The following ZNF385C variants were observed in gnomAD, a reference collection of about 807,000 sequenced individuals.
The protein encoded by ZNF385C is zinc finger protein 385C.
ZNF385C carries 28 observed loss-of-function variants against 35.4 expected under a neutral mutation model. That is an observed-to-expected ratio of 0.79 (90% confidence interval 0.59 to 1.08). ZNF385C has a LOEUF of 1.08. Ranked by LOEUF, ZNF385C falls within the 50% of genes least tolerant of loss-of-function variation. The probability of loss-of-function intolerance (pLI) is 0.00; values close to 1 mark genes in which losing one functional copy is unlikely to be tolerated. For missense variants in ZNF385C, 605 were observed against 595.6 expected (o/e 1.02, Z -0.16); for synonymous variants, 248 against 248.2 (o/e 1.00, Z 0.01).
chr17:42,084,799 T>A (rs1319720450), intron 1 of ZNF385C, among the ~76,000 whole-genome samples: 2 of 151,938 alleles, frequency 1.3e-5, no homozygotes, highest in Admixed American at 6.6e-5. Flanking sequence ...ATTTTTTTTT[T>A]AGAGATGGGG....
chr17:42,074,975 C>G (rs538429652), intron 1 of ZNF385C, among the ~76,000 whole-genome samples: 1 of 152,306 alleles, frequency 6.6e-6, no homozygotes, highest in East Asian at 1.9e-4. Flanking sequence ...ATGGCCCATT[C>G]CACTATGCTA....
chr17:42,049,518 C>T (rs552820327), intron 2 of ZNF385C, among the ~76,000 whole-genome samples: 1 of 152,352 alleles, frequency 6.6e-6, no homozygotes, highest in South Asian at 2.1e-4. Context: ...GCAGAGAGGG[C>T]AGTGGAGCCA....
At chr17:42,066,960 T>A (rs1380055636) in intron 1 of ZNF385C, among the ~76,000 whole-genome samples, 3 of 151,982 alleles carry the variant, frequency 2.0e-5, no homozygotes, top group Admixed American at 2.0e-4. Context: ...TCCCAGGTAC[T>A]CAGGAGGCTG....
At chr17:42,040,531 G>T (rs1238082099) in intron 2 of ZNF385C, 9 of 1,232,886 alleles carry the variant, frequency 7.3e-6, no homozygotes, top group Non-Finnish European at 8.1e-6. Flanking sequence ...CAGCAGGTGG[G>T]TGAAGGCCAC....
intron 6 of ZNF385C, 97 bp downstream of exon 6, chr17:42,028,686 T>G (rs1361475016): frequency 1.4e-6 from 2 of 1,428,484 alleles, no homozygotes; most frequent in Non-Finnish European, 9.4e-7. Flanking sequence ...ATCCAACCCT[T>G]GAGCGAAGCA....
chr17:42,027,327 G>A (rs1378400285), intron 8 of ZNF385C, among the ~76,000 whole-genome samples, 194 bp from the exon 9 acceptor site: 2 of 152,076 alleles, frequency 1.3e-5, no homozygotes, highest in Non-Finnish European at 2.9e-5. Context: ...CTGTCCAGAG[G>A]GAGGAAAGTC....
chr17:42,026,746 T>C lies in ZNF385C; in HGVS notation c.*151A>G. 1 of 777,892 alleles carries C rather than the reference T, an allele frequency of 1.3e-6. No individual in the cohort carries two copies. The highest frequency in any genetic ancestry group is 1.6e-5 in the South Asian group (1 of 63,216). 48.2% of individuals were successfully genotyped at this position (777,892 alleles called of 1,614,324 possible). On this transcript the variant is annotated 3_prime_UTR_variant, in exon 9 of 9. Transcript: ENST00000692273. ...GTGGGGACAGTCCTTGGAAGGCAGC[T>C]GCCCTTAAAACTAGCCCAGCTCTTT...
At chr17:42,082,117 C>T (rs945187600) in intron 1 of ZNF385C, among the ~76,000 whole-genome samples, 5 of 152,208 alleles carry the variant, frequency 3.3e-5, no homozygotes, top group Non-Finnish European at 5.9e-5. Context: ...CCTGAAGCTT[C>T]CCACCACCTC....
At chr17:42,032,542 T>A (rs879971794) in intron 4 of ZNF385C, among the ~76,000 whole-genome samples, 1 of 152,210 alleles carries the variant, frequency 6.6e-6, no homozygotes, top group Admixed American at 6.5e-5. Context: ...AATGCACAAA[T>A]GGAGAAAGCA....
intron 2 of ZNF385C, among the ~76,000 whole-genome samples, chr17:42,057,267 G>A (rs932561705): frequency 6.6e-6 from 1 of 152,124 alleles, no homozygotes; most frequent in African/African-American, 2.4e-5. Flanking sequence ...CATCATCCGT[G>A]CCTAGGATGG....
chr17:42,028,912 G>GCCC lies in ZNF385C; in HGVS notation c.835_837dup (p.Gly279dup). 6.4e-7 allele frequency: 1 copy of GCCC among 1,550,578 alleles called. No individual in the cohort carries two copies. On this transcript the variant is annotated inframe_insertion, in exon 6 of 9. Coordinates refer to ENST00000692273, the MANE Select transcript of ZNF385C (RefSeq NM_001392013.1). Reference sequence around the variant, plus strand: ...CCCACGGCAGCTGCCGCTGGCTCAGGCCCCGGTGCCTCTCTCCCAGGCTCT... The same window carrying GCCC: ...CCCACGGCAGCTGCCGCTGGCTCAGGCCCCCCCGGTGCCTCTCTCCCAGGCTCT...
chr17:42,037,684 GTGCCCACCCACAAGCTTGTGTGCA>G (rs2052891496), intron 3 of ZNF385C, 29 bp downstream of exon 3: 1 of 1,459,864 alleles, frequency 6.8e-7, no homozygotes, highest in South Asian at 1.4e-5. Flanking sequence ...CCCACCTTCT[GTGCCCACCCACAAGCTTGTGTGCA>G]TGCCCCCACC....
chr17:42,093,509 G>A (rs1047495037), intron 1 of ZNF385C, among the ~76,000 whole-genome samples: 17 of 152,016 alleles, frequency 1.1e-4, no homozygotes, highest in African/African-American at 3.4e-4. Flanking sequence ...CCGAAACCCC[G>A]GAGTTCTCAA....
At chr17:42,053,902 C>T (rs1387981458) in intron 2 of ZNF385C, among the ~76,000 whole-genome samples, 1 of 152,088 alleles carries the variant, frequency 6.6e-6, no homozygotes, top group Non-Finnish European at 1.5e-5. Context: ...GCAAATGAAA[C>T]CCAGCCAGAG....
chr17:42,066,954 A>G (rs1555658484), intron 1 of ZNF385C, among the ~76,000 whole-genome samples: 1 of 152,166 alleles, frequency 6.6e-6, no homozygotes, highest in Non-Finnish European at 1.5e-5. Context: ...CTGTAATCCC[A>G]GGTACTCAGG....
At chr17:42,036,591 A>G (rs571558765) in intron 3 of ZNF385C, among the ~76,000 whole-genome samples, 1 of 152,348 alleles carries the variant, frequency 6.6e-6, no homozygotes, top group South Asian at 2.1e-4. Flanking sequence ...AAAAGAAAAC[A>G]GAGCTTAGAG....
chr17:42,036,659 G>C (rs966244861), intron 3 of ZNF385C, among the ~76,000 whole-genome samples: 1 of 152,178 alleles, frequency 6.6e-6, no homozygotes, highest in East Asian at 1.9e-4. Flanking sequence ...AATTTTCACA[G>C]CACCCAGGGC....
At chr17:42,051,452 T>A (rs2053280693) in intron 2 of ZNF385C, among the ~76,000 whole-genome samples, 1 of 151,900 alleles carries the variant, frequency 6.6e-6, no homozygotes, top group Non-Finnish European at 1.5e-5. Flanking sequence ...AGGCCTGGGA[T>A]GGAGCTCCAG....
chr17:42,062,389 T>C (rs1211564276), intron 2 of ZNF385C: 1 of 162,090 alleles, frequency 6.2e-6, no homozygotes, highest in Non-Finnish European at 1.3e-5. Context: ...GAGTGCTGTG[T>C]ACCTTGCTGA....
Sources: gnomAD v4.1 joint callset for allele counts (sites outside exome capture counted in the v4.1 genomes callset) on GRCh38, gnomAD v4.1.1 for gene constraint, MANE v1.5 for transcripts, NCBI Gene and HGNC (gene_info 2026-07-23, HGNC 2026-07-21) for gene names.